Variants in AOPEP observed in about 807,000 individuals in gnomAD.
AOPEP encodes aminopeptidase O (putative), also known as aminopeptidase O.
Under a neutral mutation model 98.1 loss-of-function variants are expected in AOPEP, and 77 were observed. The observed-to-expected ratio is 0.78, with a 90% CI of 0.65 to 0.95. The LOEUF (loss-of-function observed/expected upper bound fraction) is 0.95, where lower values mean the gene tolerates loss of function less well. AOPEP is among the 40% of genes least tolerant of loss of function. The pLI, the probability that AOPEP is intolerant of heterozygous loss-of-function variation, is 0.00. For missense variants in AOPEP, 1,024 were observed against 1,024.7 expected (o/e 1.00, Z 0.01); for synonymous variants, 346 against 365.3 (o/e 0.95, Z 0.60).
At chr9:94,750,544 C>G (rs1186066886) in intron 1 of AOPEP, among the ~76,000 whole-genome samples, 1 of 151,932 alleles carries the variant, frequency 6.6e-6, no homozygotes, top group East Asian at 2.0e-4. Context: ...GAGATTGGGC[C>G]ACTGCACTCC....
At chr9:94,922,972 G>A (rs748929488) in intron 5 of AOPEP, among the ~76,000 whole-genome samples, 2 of 152,296 alleles carry the variant, frequency 1.3e-5, no homozygotes, top group South Asian at 4.1e-4. Flanking sequence ...GTGCCGAGCC[G>A]ACATGATAGC....
In AOPEP at chr9:95,004,206, G is replaced by A. The variant is rs556509530; in HGVS notation, c.1978-952G>A. 2.2e-4 allele frequency: 102 copies of A among 456,082 alleles called. No homozygotes were observed. In the East Asian group the frequency reaches 6.6e-3, roughly 30 times the overall value. The allele number at this position is 456,082 out of a possible 1,614,324, so 28.3% of individuals were successfully genotyped here. A position where few individuals can be genotyped will look rare whatever the true frequency, so the allele number is the denominator to read the frequency against. On this transcript the variant is annotated intron_variant, in intron 11 of 16. Coordinates refer to ENST00000375315, the MANE Select transcript of AOPEP (RefSeq NM_001193329.3). ...CCCCGGCCCGCCCTCACCGGCAGGC[G>A]GGTTCCAGCAACTGCTGATGCGGAT...
chr9:95,125,029 C>A, the AOPEP span: 2 of 1,456,454 alleles, frequency 1.4e-6, no homozygotes, highest in Non-Finnish European at 1.9e-6. Flanking sequence ...GTCCAAAATA[C>A]TCTCAACAGC....
rs147393457 is a variant in AOPEP at position 94,985,137 on chromosome 9, A to C, written c.1977+5710A>C. Among the ~76,000 whole-genome samples the C allele has an allele frequency of 9.7e-3, 1,475 of 152,382 alleles. 17 individuals carry two copies. Among genetic ancestry groups the C allele is most frequent in the Non-Finnish European group, 0.015 (1,008 of 68,032 alleles). On this transcript the variant is annotated intron_variant, in intron 11 of 16. Transcript: ENST00000375315. ...CAGTTCCTGGCAAAATCATCACAGC[A>C]GCGGCAGTGAGGAGGAGAGAGAAGA...
chr9:95,011,491 C>T (rs752875265), intron 13 of AOPEP, among the ~76,000 whole-genome samples: 29 of 152,072 alleles, frequency 1.9e-4, no homozygotes, highest in Non-Finnish European at 3.1e-4. Flanking sequence ...CATGAGCCAC[C>T]GCGCACAGCT....
At chr9:95,013,767 G>C (rs2062758695) in intron 13 of AOPEP, among the ~76,000 whole-genome samples, 1 of 152,014 alleles carries the variant, frequency 6.6e-6, no homozygotes, top group African/African-American at 2.4e-5. Flanking sequence ...AGAAATCCTT[G>C]GTTCATATTT....
At chr9:94,923,593 G>A (rs2053908046) in intron 5 of AOPEP, among the ~76,000 whole-genome samples, 1 of 152,166 alleles carries the variant, frequency 6.6e-6, no homozygotes, top group Admixed American at 6.5e-5. Flanking sequence ...ATTTTTGGCT[G>A]AAGGGTCTTC....
At chr9:94,833,297 G>GC (rs2041145317) in intron 5 of AOPEP, among the ~76,000 whole-genome samples, 1 of 126,846 alleles carries the variant, frequency 7.9e-6, no homozygotes, top group Admixed American at 1.0e-4. Flanking sequence ...GAGTGCAATG[G>GC]CATGATCTCA....
chr9:94,891,272 A>C (rs1317787907), intron 5 of AOPEP, among the ~76,000 whole-genome samples: 1 of 152,124 alleles, frequency 6.6e-6, no homozygotes, highest in Non-Finnish European at 1.5e-5. Context: ...TATTTGCATG[A>C]TATATCTTTT....
intron 13 of AOPEP, among the ~76,000 whole-genome samples, chr9:95,028,965 A>G (rs1453917588): frequency 5.3e-5 from 8 of 152,218 alleles, no homozygotes; most frequent in Non-Finnish European, 1.0e-4. Context: ...TTACTGAGAT[A>G]CTAGCCTAGT....
chr9:94,989,540 G>A lies in AOPEP; in HGVS notation c.1977+10113G>A, dbSNP rs544411441. Among the ~76,000 whole-genome samples, 158 of 142,186 alleles carry A rather than the reference G, an allele frequency of 1.1e-3. 2 individuals carry two copies. The highest frequency in any genetic ancestry group is 3.9e-3 in the African/African-American group (149 of 38,380). The allele number at this position is 142,186 out of a possible 152,430, so 93.3% of individuals were successfully genotyped here. On this transcript the variant is annotated intron_variant, in intron 11 of 16. Transcript: ENST00000375315. ...ATGAGCCACTGTGCCTGGCCAAGAA[G>A]CTTCTTTTCTAAGTACAACCTAAAC...
intron 13 of AOPEP, among the ~76,000 whole-genome samples, chr9:95,041,375 A>C (rs2133573663): frequency 6.6e-6 from 1 of 151,672 alleles, no homozygotes; most frequent in East Asian, 2.0e-4. Context: ...AAAAAAAATC[A>C]TCCTTGTGGT....
downstream of AOPEP, among the ~76,000 whole-genome samples, chr9:95,090,760 G>A (rs532122610): frequency 5.9e-5 from 9 of 152,360 alleles, no homozygotes; most frequent in African/African-American, 2.2e-4. Flanking sequence ...TGGGGTGAGG[G>A]AGGATACAGG....
chr9:94,983,426 T>C (rs2060319028), intron 11 of AOPEP, among the ~76,000 whole-genome samples: 1 of 152,194 alleles, frequency 6.6e-6, no homozygotes, highest in African/African-American at 2.4e-5. Flanking sequence ...TCCTAGCACC[T>C]CTGCCATTTA....
chr9:94,782,283 G>C (rs886704182), intron 3 of AOPEP, among the ~76,000 whole-genome samples: 12 of 152,312 alleles, frequency 7.9e-5, no homozygotes, highest in African/African-American at 2.9e-4. Context: ...CCTAATGGAA[G>C]CTCCTTCCAG....
In AOPEP at chr9:94,928,519, T is replaced by G. The variant is rs756437433; in HGVS notation, c.1649T>G (p.Met550Arg). Residue 550 changes from methionine to arginine, a missense_variant, in exon 7 of 17, where the codon ATG (methionine) becomes AGG (arginine). This residue lies in a region of AOPEP where 566 missense variants were observed against 551.7 expected (regional missense o/e 1.03). Coordinates refer to ENST00000375315, the MANE Select transcript of AOPEP (RefSeq NM_001193329.3). ...GAGATGCAATGCTCCCCCGAGGAGATGCAGGTGTTAAGGTAAAGCTGCATG... is the reference window on the plus strand; with the variant it reads ...GAGATGCAATGCTCCCCCGAGGAGAGGCAGGTGTTAAGGTAAAGCTGCATG... ...QDEMQCSPEEMQVLRPSKDKT... is the reference protein window; with the variant it reads ...QDEMQCSPEERQVLRPSKDKT... 3 of 1,550,748 alleles carry G rather than the reference T, an allele frequency of 1.9e-6. No individual in the cohort carries two copies. The highest frequency in any genetic ancestry group is 1.7e-6 in the Non-Finnish European group (2 of 1,146,856).
chr9:94,771,640 C>T (rs1327553258), intron 2 of AOPEP, among the ~76,000 whole-genome samples: 1 of 152,134 alleles, frequency 6.6e-6, no homozygotes, highest in Non-Finnish European at 1.5e-5. Context: ...AAAGCAGGAG[C>T]TGGCTAGAAA....
intron 7 of AOPEP, among the ~76,000 whole-genome samples, chr9:94,936,292 T>C (rs1016787365): frequency 1.3e-5 from 2 of 152,158 alleles, no homozygotes; most frequent in Non-Finnish European, 2.9e-5. Context: ...ACATCACCTC[T>C]GTCCCCCATC....
the AOPEP span, chr9:95,110,592 T>A: frequency 6.8e-6 from 7 of 1,036,924 alleles, no homozygotes; most frequent in Non-Finnish European, 7.0e-6. Context: ...AAACTATTTT[T>A]CTTTCCTATG....
Sources: allele counts gnomAD v4.1 joint callset (sites outside exome capture counted in the v4.1 genomes callset), GRCh38; gene constraint gnomAD v4.1.1; regional missense constraint gnomAD v4.1.1; transcripts MANE v1.5; gene names NCBI Gene and HGNC (gene_info 2026-07-23, HGNC 2026-07-21).